ZNF528: variants seen among roughly 807,000 people sequenced by gnomAD.
ZNF528 encodes zinc finger protein 528.
A neutral mutation model predicts 13.3 loss-of-function variants in ZNF528; 9 were observed. The ratio of observed to expected loss-of-function variants is 0.67; its 90% CI spans 0.41 to 1.18. ZNF528 has a LOEUF of 1.18. Ranked by LOEUF, ZNF528 falls within the 50% of genes most tolerant of loss-of-function variation. ZNF528 has a pLI of 0.01. For synonymous variants in ZNF528, 264 were observed against 254.3 expected, an observed-to-expected ratio of 1.04 and a Z score of -0.36; for missense variants, 858 against 745.4, an observed-to-expected ratio of 1.15 and a Z score of -1.76.
At chr19:52,405,815 G>A in intron 4 of ZNF528, 92 bp from the exon 5 acceptor site, 7 of 1,535,508 alleles carry the variant, frequency 4.6e-6, no homozygotes, top group Non-Finnish European at 6.2e-6. Context: ...GCTCACATAA[G>A]TGGAGTCAGT....
chr19:52,406,101 C>T (rs2058852760), intron 5 of ZNF528, 68 bp downstream of exon 5: 4 of 1,517,476 alleles, frequency 2.6e-6, no homozygotes, highest in Non-Finnish European at 3.5e-6. Context: ...TCTTATATGC[C>T]TCTTGGGAGC....
chr19:52,403,747 ATGAG>A (rs1568423863), intron 4 of ZNF528, among the ~76,000 whole-genome samples: 1 of 151,226 alleles, frequency 6.6e-6, no homozygotes, highest in African/African-American at 2.4e-5. Flanking sequence ...ACTAGTGTAT[ATGAG>A]TGTGTAAGTG....
intron 2 of ZNF528, among the ~76,000 whole-genome samples, chr19:52,401,155 A>G (rs1186102190): frequency 2.0e-5 from 3 of 151,914 alleles, no homozygotes; most frequent in Non-Finnish European, 2.9e-5. Context: ...TCTCCCCTGA[A>G]TTCCAAAATC....
In ZNF528 at chr19:52,417,422, A is replaced by G. The variant is rs1278842693; in HGVS notation, c.*683A>G. 6.1e-6 allele frequency: 1 copy of G among 163,478 alleles called. No homozygotes were observed. Among genetic ancestry groups the G allele is most frequent in the Non-Finnish European group, 1.3e-5 (1 of 76,068 alleles). 10.1% of individuals were successfully genotyped at this position (163,478 alleles called of 1,614,324 possible). A position where few individuals can be genotyped will look rare whatever the true frequency, so the allele number is the denominator to read the frequency against. On this transcript the variant is annotated 3_prime_UTR_variant, in exon 7 of 7. Transcript: ENST00000360465. Reference sequence around the variant, plus strand: ...AGTTAGCACACTTTCTCCTGACATAAGTGCACAGAGCTTCAGTGTCCACCA... The same window carrying G: ...AGTTAGCACACTTTCTCCTGACATAGGTGCACAGAGCTTCAGTGTCCACCA...
rs374627797 is a variant in ZNF528 at position 52,416,546 on chromosome 19, C to T, written c.1694C>T (p.Thr565Ile). 8 of 1,614,230 alleles carry T rather than the reference C, an allele frequency of 5.0e-6. No individual in the cohort carries two copies. Among genetic ancestry groups the T allele is most frequent in the Middle Eastern group, 1.6e-4 (1 of 6,062 alleles). The change falls in exon 7 of 7, where the codon ACT (threonine) becomes ATT (isoleucine). Residue 565 changes from threonine to isoleucine, a missense_variant. Coordinates refer to ENST00000360465, the MANE Select transcript of ZNF528 (RefSeq NM_032423.3). ...GKAFRGCSGLTAHLAIHTEKK... is the reference protein window; with the variant it reads ...GKAFRGCSGLIAHLAIHTEKK... ...GCATTTCGAGGGTGTTCAGGCCTTA[C>T]TGCCCATCTTGCAATCCATACTGAA...
chr19:52,406,595 A>G lies in ZNF528; in HGVS notation c.223A>G (p.Ile75Val), dbSNP rs1022678775. The change falls in exon 6 of 7, where the codon ATA becomes GTA. Residue 75 changes from isoleucine to valine, a missense_variant. Transcript: ENST00000360465. ...CTGGACTCTGCAGAGTGAAGAGAAA[A>G]TAGCAAACGATCCAGACGGCAGGGA... Reference protein sequence around the residue: ...DPWTLQSEEKIANDPDGRECI... With the variant: ...DPWTLQSEEKVANDPDGRECI... 4 of 1,614,144 alleles carry G rather than the reference A, an allele frequency of 2.5e-6. No homozygotes were observed. In the Admixed American group the frequency reaches 5.0e-5, roughly 20 times the overall value.
intron 4 of ZNF528, among the ~76,000 whole-genome samples, chr19:52,403,386 C>T (rs1025119019): frequency 1.2e-4 from 19 of 152,094 alleles, no homozygotes; most frequent in African/African-American, 4.6e-4. Flanking sequence ...GTCACTGGGA[C>T]AGGGTGCAGT....
rs138482104 is a variant in ZNF528, at chr19:52,416,429, G to A, written c.1577G>A (p.Cys526Tyr). ...TGEKPYKCNQ[C>Y]GKVFNQASYL... ...GAAAAGCCTTACAAATGTAATCAAT[G>A]TGGCAAGGTCTTTAATCAAGCATCA... Residue 526 changes from cysteine to tyrosine, a missense_variant, in exon 7 of 7, where the codon TGT becomes TAT. Cys to Tyr is a radical substitution (Grantham distance 194, BLOSUM62 -2). Transcript: ENST00000360465. 28 of 1,614,140 alleles carry A rather than the reference G, an allele frequency of 1.7e-5. No homozygotes were observed. In the African/African-American group the frequency reaches 2.9e-4, roughly 17 times the overall value.
In ZNF528 at chr19:52,415,321, T is replaced by C; in HGVS notation, c.469T>C (p.Ser157Pro). Residue 157 changes from serine to proline, a missense_variant, in exon 7 of 7, where the codon TCC (serine) becomes CCC (proline). Physicochemically the swap from Ser to Pro is moderately conservative, Grantham distance 74. Transcript: ENST00000360465. ...TGAAAAAATTTCTTCCAGTGTCAAATCCCACCTTTTAAATAAATATAGAAA... is the reference window on the plus strand; with the variant it reads ...TGAAAAAATTTCTTCCAGTGTCAAACCCCACCTTTTAAATAAATATAGAAA... ...PLEKISSSVK[S>P]HLLNKYRNNF... 2 of 1,612,342 alleles carry C rather than the reference T, an allele frequency of 1.2e-6. No individual in the cohort carries two copies. Among genetic ancestry groups the C allele is most frequent in the Non-Finnish European group, 1.7e-6 (2 of 1,179,534 alleles).
Position 52,402,316 on chromosome 19 carries a change from G to T in ZNF528, c.15+288G>T, listed in dbSNP as rs979805156. The T allele has an allele frequency of 1.2e-5, 7 of 565,892 alleles. No individual in the cohort carries two copies. In the African/African-American group the frequency reaches 1.3e-4, roughly 11 times the overall value. The allele number at this position is 565,892 out of a possible 1,614,324, so 35.1% of individuals were successfully genotyped here. A position where few individuals can be genotyped will look rare whatever the true frequency, so the allele number is the denominator to read the frequency against. On this transcript the variant is annotated intron_variant, in intron 4 of 6. Coordinates refer to ENST00000360465, the MANE Select transcript of ZNF528 (RefSeq NM_032423.3). ...TGGTGGCAGTGCTGCTGGGCAGCAGGGATTGTTCAGGGATCACATCTGGAT... is the reference window on the plus strand; with the variant it reads ...TGGTGGCAGTGCTGCTGGGCAGCAGTGATTGTTCAGGGATCACATCTGGAT...
At chr19:52,415,063 G>A (rs1797788684) in intron 6 of ZNF528, 61 bp from the exon 7 acceptor site, 1 of 1,604,858 alleles carries the variant, frequency 6.2e-7, no homozygotes, top group East Asian at 2.2e-5. Context: ...TAGACCCTCT[G>A]TCAGACACTA....
chr19:52,416,731 C>T lies in ZNF528; in HGVS notation c.1879C>T (p.His627Tyr), dbSNP rs759402338. 1 of 1,567,118 alleles carries T rather than the reference C, an allele frequency of 6.4e-7. No homozygotes were observed. The highest frequency in any genetic ancestry group is 8.7e-7 in the Non-Finnish European group (1 of 1,154,668). Residue 627 changes from histidine (H) to tyrosine (Y), a missense_variant, in exon 7 of 7, where the codon CAT becomes TAT. Coordinates refer to ENST00000360465, the MANE Select transcript of ZNF528 (RefSeq NM_032423.3). ...TGACCTTGCACAGCATCAGAGAGTT[C>T]ATTCATGAGAGTCCCTACAAACTGT... ...NSDLAQHQRVHS is the reference protein window; with the variant it reads ...NSDLAQHQRVYS
At chr19:52,399,618 AAAAC>A (rs1260869485) in intron 2 of ZNF528, among the ~76,000 whole-genome samples, 1 of 152,162 alleles carries the variant, frequency 6.6e-6, no homozygotes, top group Non-Finnish European at 1.5e-5. Flanking sequence ...CAAAAAACAA[AAAAC>A]AAAAAACCAC....
In ZNF528 at chr19:52,397,919, G is replaced by GTCTA. The variant is rs2058748614; in HGVS notation, c.-390+17_-390+20dup. The GTCTA allele has an allele frequency of 6.6e-6, 1 of 152,214 alleles. No individual in the cohort carries two copies. Among genetic ancestry groups the GTCTA allele is most frequent in the African/African-American group, 2.4e-5 (1 of 41,444 alleles). 9.4% of individuals were successfully genotyped at this position (152,214 alleles called of 1,614,324 possible). The stretch of plus-strand genomic sequence containing the variant: ...CGCAGCAGTGCGTGAGTTTCCCTTT[G>GTCTA]TCTATGTTAAGTCTAGGCTAGCCAG... On this transcript the variant is annotated intron_variant, in intron 1 of 6. Coordinates refer to ENST00000360465, the MANE Select transcript of ZNF528 (RefSeq NM_032423.3).
chr19:52,406,894 G>GA (rs1246804891), intron 6 of ZNF528: 8 of 417,086 alleles, frequency 1.9e-5, no homozygotes, highest in Admixed American at 4.3e-5. Flanking sequence ...AATTCTGTGG[G>GA]AAAACCAAAG....
At position 52,398,435 on chromosome 19, in the gene ZNF528, C is replaced by T; in HGVS notation, c.-321C>T. 1 of 301,024 alleles carries T rather than the reference C, an allele frequency of 3.3e-6. No homozygotes were observed. Among genetic ancestry groups the T allele is most frequent in the East Asian group, 1.7e-4 (1 of 5,830 alleles). 18.6% of individuals were successfully genotyped at this position (301,024 alleles called of 1,614,324 possible). On this transcript the variant is annotated 5_prime_UTR_variant, in exon 2 of 7. Transcript: ENST00000360465. ...GGGGTGACTTCAGTCTCCTGACATCCAGTGTTCTCTCGAGCCAGTTTCCAG... is the reference window on the plus strand; with the variant it reads ...GGGGTGACTTCAGTCTCCTGACATCTAGTGTTCTCTCGAGCCAGTTTCCAG...
chr19:52,401,031 C>T (rs2058787436), intron 2 of ZNF528, among the ~76,000 whole-genome samples: 1 of 152,138 alleles, frequency 6.6e-6, no homozygotes, highest in African/African-American at 2.4e-5. Flanking sequence ...AAATGTCACC[C>T]AATTTAGTCC....
At chr19:52,406,388 G>A (rs889112393) in intron 5 of ZNF528, 127 bp from the exon 6 acceptor site, 2 of 1,366,890 alleles carry the variant, frequency 1.5e-6, no homozygotes, top group African/African-American at 3.0e-5. Context: ...TCAGAAAGAG[G>A]CAGTCAGTAG....
Position 52,400,652 on chromosome 19 carries a change from G to C in ZNF528, c.-136-1033G>C, listed in dbSNP as rs576215021. 3.3e-5 allele frequency among the ~76,000 whole-genome samples: 5 copies of C among 152,126 alleles called. No homozygotes were observed. The South Asian group carries it at 1.0e-3, about 32-fold the overall frequency. ...TCCTCCCGTCTTAGCCTCCAGAGTA[G>C]ATAGGACTATGGGCCTGTCCCTCTG... On this transcript the variant is annotated intron_variant, in intron 2 of 6. Transcript: ENST00000360465.
Sources: allele counts gnomAD v4.1 joint callset (sites outside exome capture counted in the v4.1 genomes callset), GRCh38; gene constraint gnomAD v4.1.1; transcripts MANE v1.5; gene names NCBI Gene and HGNC (gene_info 2026-07-23, HGNC 2026-07-21).